The following FBXL17 variants were observed in gnomAD, a reference collection of about 807,000 sequenced individuals.
FBXL17 encodes F-box/LRR-repeat protein 17.
In FBXL17, 22 loss-of-function variants were observed where a neutral mutation model predicts 66.2. The ratio of observed to expected loss-of-function variants is 0.33; its 90% CI spans 0.24 to 0.47. The LOEUF (loss-of-function observed/expected upper bound fraction) is 0.47. Ranked by LOEUF, FBXL17 falls within the 20% of genes least tolerant of loss-of-function variation. FBXL17 has a pLI of 1.00. For synonymous variants in FBXL17, 474 were observed against 400.5 expected (o/e 1.18, Z -2.19); for missense variants, 878 against 948.2 (o/e 0.93, Z 0.97).
intron 7 of FBXL17, among the ~76,000 whole-genome samples, chr5:107,979,733 C>T (rs1752734130): frequency 6.6e-6 from 1 of 152,152 alleles, no homozygotes; most frequent in South Asian, 2.1e-4. Context: ...CTAACTAGGA[C>T]TTTTATTGTT....
At chr5:108,107,535 A>G (rs980613842) in intron 6 of FBXL17, among the ~76,000 whole-genome samples, 8 of 152,088 alleles carry the variant, frequency 5.3e-5, no homozygotes, top group African/African-American at 1.9e-4. Flanking sequence ...AATCTCGGCC[A>G]GGCACGGTGG....
chr5:107,963,886 A>T (rs1296063249), intron 7 of FBXL17, among the ~76,000 whole-genome samples: 1 of 152,158 alleles, frequency 6.6e-6, no homozygotes, highest in African/African-American at 2.4e-5. Context: ...TAGGAAATAG[A>T]TTCTTTTCTA....
At chr5:108,243,970 C>A (rs968446456) in intron 4 of FBXL17, among the ~76,000 whole-genome samples, 2 of 152,110 alleles carry the variant, frequency 1.3e-5, no homozygotes, top group African/African-American at 4.8e-5. Context: ...AAAAGGCATG[C>A]TAAAATTCAC....
intron 7 of FBXL17, among the ~76,000 whole-genome samples, chr5:107,983,367 T>C (rs28576367): frequency 0.1 from 15,741 of 152,004 alleles, 910 homozygotes; most frequent in Non-Finnish European, 0.13. Context: ...AATTTTTTTT[T>C]TTTCTTAGTA....
intron 6 of FBXL17, among the ~76,000 whole-genome samples, chr5:108,113,004 C>A (rs1448409952): frequency 6.6e-6 from 1 of 152,098 alleles, no homozygotes; most frequent in Admixed American, 6.6e-5. Context: ...ATCTATTCTA[C>A]CTCCATTTAC....
intron 6 of FBXL17, among the ~76,000 whole-genome samples, chr5:108,025,694 C>A (rs918570784): frequency 7.2e-6 from 1 of 139,510 alleles, no homozygotes; most frequent in Non-Finnish European, 1.5e-5. Context: ...CACACACACA[C>A]ACACACACAA....
At chr5:108,205,888 C>G (rs546246557) in intron 5 of FBXL17, among the ~76,000 whole-genome samples, 2 of 152,206 alleles carry the variant, frequency 1.3e-5, no homozygotes, top group East Asian at 1.9e-4. Context: ...AGTCACTCCC[C>G]ACCCTGCCTG....
chr5:108,212,055 T>C (rs150750151), intron 5 of FBXL17, among the ~76,000 whole-genome samples: 20 of 152,176 alleles, frequency 1.3e-4, no homozygotes, highest in Non-Finnish European at 2.6e-4. Context: ...TATTGTCTTC[T>C]CTCTTTCTTT....
chr5:108,342,256 ATGTC>A (rs571242016), intron 4 of FBXL17, among the ~76,000 whole-genome samples: 79 of 152,312 alleles, frequency 5.2e-4, no homozygotes, highest in African/African-American at 1.9e-3. Context: ...GTAAAACACT[ATGTC>A]TGTAATACAG....
intron 3 of FBXL17, among the ~76,000 whole-genome samples, chr5:108,360,301 T>C (rs577645193): frequency 7.9e-5 from 12 of 152,278 alleles, no homozygotes; most frequent in African/African-American, 2.6e-4. Flanking sequence ...AGCTTTTGCT[T>C]ATCTGGAAAT....
chr5:108,039,352 G>A (rs1002582301), intron 6 of FBXL17, among the ~76,000 whole-genome samples: 1 of 151,970 alleles, frequency 6.6e-6, no homozygotes, highest in African/African-American at 2.4e-5. Context: ...ATATAACCTA[G>A]AAGCTAGAGG....
chr5:107,989,275 C>T (rs138000144), intron 7 of FBXL17, among the ~76,000 whole-genome samples: 2 of 151,984 alleles, frequency 1.3e-5, no homozygotes, highest in Non-Finnish European at 2.9e-5. Context: ...ATTAACCAAC[C>T]TCTCTTCATC....
At chr5:108,118,512 T>A (rs1402282287) in intron 6 of FBXL17, among the ~76,000 whole-genome samples, 1 of 152,192 alleles carries the variant, frequency 6.6e-6, no homozygotes, top group Non-Finnish European at 1.5e-5. Flanking sequence ...AGTTCATCCT[T>A]TCCTTTCCAT....
intron 7 of FBXL17, among the ~76,000 whole-genome samples, chr5:108,011,993 A>C (rs1276165018): frequency 6.6e-6 from 1 of 152,232 alleles, no homozygotes; most frequent in Non-Finnish European, 1.5e-5. Flanking sequence ...TAAAGCTACT[A>C]TGAAAGTATC....
chr5:108,280,175 A>G (rs1757646603), intron 4 of FBXL17, among the ~76,000 whole-genome samples: 1 of 152,192 alleles, frequency 6.6e-6, no homozygotes, highest in African/African-American at 2.4e-5. Context: ...ACATTATATC[A>G]GGCTATCTAA....
rs1759717056 is a variant in FBXL17, at chr5:108,323,553, C to T, written c.1506+24846G>A. On this transcript the variant is annotated intron_variant, in intron 4 of 8. Transcript: ENST00000542267. ...GCAATATACAGGTTCAATACAATCC[C>T]TATCAAAATCTGAAGGGCATTTTTT... Among the ~76,000 whole-genome samples the T allele has an allele frequency of 5.3e-5, 8 of 151,964 alleles. No homozygotes were observed. In the South Asian group the frequency reaches 1.7e-3, roughly 31 times the overall value.
chr5:108,083,207 C>T (rs1406703901), intron 6 of FBXL17, among the ~76,000 whole-genome samples: 1 of 128,014 alleles, frequency 7.8e-6, no homozygotes, highest in Non-Finnish European at 1.8e-5. Flanking sequence ...TCTCCCTCAC[C>T]CTCACCTCAG....
intron 3 of FBXL17, among the ~76,000 whole-genome samples, chr5:108,359,957 T>C (rs887022479): frequency 3.3e-5 from 5 of 152,148 alleles, no homozygotes; most frequent in Non-Finnish European, 1.5e-5. Flanking sequence ...TTGCTATATA[T>C]ATTTTAAGGA....
intron 7 of FBXL17, among the ~76,000 whole-genome samples, chr5:108,015,345 A>G (rs1489193423): frequency 1.3e-5 from 2 of 152,194 alleles, no homozygotes; most frequent in African/African-American, 4.8e-5. Flanking sequence ...AAACATTAGG[A>G]CATTCTTTTT....
Sources: gnomAD v4.1 joint callset for allele counts (sites outside exome capture counted in the v4.1 genomes callset) on GRCh38, gnomAD v4.1.1 for gene constraint, MANE v1.5 for transcripts, NCBI Gene and HGNC (gene_info 2026-07-23, HGNC 2026-07-21) for gene names.